The following COL23A1 variants were observed in gnomAD, a reference collection of about 807,000 sequenced individuals.
COL23A1 encodes the protein collagen alpha-1(XXIII) chain.
A neutral mutation model predicts 99.3 loss-of-function variants in COL23A1; 97 were observed. That is an observed-to-expected ratio of 0.98 (90% CI 0.83 to 1.16). The LOEUF (loss-of-function observed/expected upper bound fraction) is 1.16. COL23A1 is among the 50% of genes most tolerant of loss of function. The pLI is 0.00. For synonymous variants in COL23A1, 320 were observed against 308.2 expected, an observed-to-expected ratio of 1.04 and a Z score of -0.40; for missense variants, 762 against 757.4, an observed-to-expected ratio of 1.01 and a Z score of -0.07.
chr5:178,453,770 TCAGTAG>T (rs539618954), intron 2 of COL23A1, among the ~76,000 whole-genome samples: 4 of 152,154 alleles, frequency 2.6e-5, no homozygotes, highest in Non-Finnish European at 4.4e-5. Context: ...ACACACTTTT[TCAGTAG>T]CAGTAGCAGA....
intron 2 of COL23A1, among the ~76,000 whole-genome samples, chr5:178,327,746 G>T (rs1171692837): frequency 6.6e-6 from 1 of 152,156 alleles, no homozygotes; most frequent in African/African-American, 2.4e-5. Context: ...CCTCAGGACA[G>T]CACCAACCAC....
At chr5:178,338,635 A>AGCTCCTG (rs1760486475) in intron 2 of COL23A1, among the ~76,000 whole-genome samples, 4 of 123,604 alleles carry the variant, frequency 3.2e-5, no homozygotes, top group African/African-American at 1.2e-4. Context: ...GCACCGGGTA[A>AGCTCCTG]GGTGTTGCTC....
At chr5:178,285,420 CCAAAAAAT>C (rs1757100853) in intron 5 of COL23A1, among the ~76,000 whole-genome samples, 1 of 152,212 alleles carries the variant, frequency 6.6e-6, no homozygotes, top group Non-Finnish European at 1.5e-5. Context: ...AAACAAAAAA[CCAAAAAAT>C]GCTTTTTCTA....
At chr5:178,585,372 C>G (rs1355656947) in intron 1 of COL23A1, among the ~76,000 whole-genome samples, 4 of 150,698 alleles carry the variant, frequency 2.7e-5, no homozygotes, top group Non-Finnish European at 4.4e-5. Flanking sequence ...CCCCAGCTGA[C>G]TCTAGGGTAA....
At chr5:178,400,518 A>G (rs922446119) in intron 2 of COL23A1, among the ~76,000 whole-genome samples, 2 of 152,070 alleles carry the variant, frequency 1.3e-5, no homozygotes, top group East Asian at 3.8e-4. Context: ...CTGTTTCTAT[A>G]GTTTTCTAAA....
chr5:178,509,664 A>G (rs1759091160), intron 2 of COL23A1, among the ~76,000 whole-genome samples: 1 of 152,002 alleles, frequency 6.6e-6, no homozygotes, highest in Admixed American at 6.6e-5. Context: ...GCCAAAACAC[A>G]CTGACCTTCC....
At chr5:178,343,851 T>TG in intron 2 of COL23A1, among the ~76,000 whole-genome samples, 1 of 152,068 alleles carries the variant, frequency 6.6e-6, no homozygotes, top group East Asian at 1.9e-4. Flanking sequence ...TTAGTAGAGA[T>TG]GGAGTTTCAC....
At chr5:178,493,783 C>T (rs1452379853) in intron 2 of COL23A1, among the ~76,000 whole-genome samples, 1 of 152,242 alleles carries the variant, frequency 6.6e-6, no homozygotes, top group Non-Finnish European at 1.5e-5. Flanking sequence ...CTGCCGAACC[C>T]CTCGGGGACC....
chr5:178,273,690 C>T (rs756667108), intron 5 of COL23A1, among the ~76,000 whole-genome samples: 3 of 152,130 alleles, frequency 2.0e-5, no homozygotes, highest in African/African-American at 7.2e-5. Context: ...GGGACAGAGC[C>T]GACCCACAGC....
chr5:178,250,196 C>G, intron 17 of COL23A1, 91 bp from the exon 18 acceptor site: 3 of 1,495,176 alleles, frequency 2.0e-6, no homozygotes, highest in Non-Finnish European at 2.8e-6. Flanking sequence ...GTGCACCCGG[C>G]CCAGGGTGGG....
Position 178,245,982 on chromosome 5 carries a change from CAG to C in COL23A1, c.1414-16_1414-15del. ...CCCGGGTCTGCCCTGAGGAGAGACA[CAG>C]AGTGGGTGAGAGGGGTTGGGGAGGG... is the stretch of plus-strand genomic sequence containing the variant. On this transcript the variant is annotated splice_polypyrimidine_tract_variant and intron_variant, in intron 24 of 28. Transcript: ENST00000390654. 6.2e-7 allele frequency: 1 copy of C among 1,614,026 alleles called. No individual in the cohort carries two copies. Among genetic ancestry groups the C allele is most frequent in the South Asian group, 1.1e-5 (1 of 91,080 alleles).
chr5:178,480,706 T>G (rs1239589258), intron 2 of COL23A1, among the ~76,000 whole-genome samples: 2 of 152,098 alleles, frequency 1.3e-5, no homozygotes, highest in Non-Finnish European at 2.9e-5. Context: ...ACAAGGTAAG[T>G]CAAAATGTAA....
At chr5:178,573,213 T>C (rs900121730) in intron 1 of COL23A1, among the ~76,000 whole-genome samples, 2 of 152,172 alleles carry the variant, frequency 1.3e-5, no homozygotes, top group African/African-American at 4.8e-5. Flanking sequence ...TCAATTATAC[T>C]TCAAAAAAAA....
chr5:178,518,069 T>G lies in COL23A1; in HGVS notation c.361+42613A>C, dbSNP rs1444616159. On this transcript the variant is annotated intron_variant, in intron 2 of 28. Coordinates refer to ENST00000390654, the MANE Select transcript of COL23A1 (RefSeq NM_173465.4). ...CCTTCCGCAGTGTTTGTGTCCCTGA[T>G]TACTTGAGATTAGGGATTGGTGATG... Among the ~76,000 whole-genome samples, 84 of 128,394 alleles carry G rather than the reference T, an allele frequency of 6.5e-4. 1 individual carries two copies. The highest frequency in any genetic ancestry group is 3.9e-3 in the Middle Eastern group (1 of 256). The allele number at this position is 128,394 out of a possible 152,430, so 84.2% of individuals were successfully genotyped here.
intron 3 of COL23A1, among the ~76,000 whole-genome samples, chr5:178,305,131 G>A (rs1162803040): frequency 1.3e-5 from 2 of 152,148 alleles, no homozygotes; most frequent in Non-Finnish European, 2.9e-5. Context: ...AATAAAGTGT[G>A]TATTTGGCAG....
chr5:178,546,340 T>C (rs1761578319), intron 2 of COL23A1, among the ~76,000 whole-genome samples: 1 of 152,176 alleles, frequency 6.6e-6, no homozygotes, highest in South Asian at 2.1e-4. Flanking sequence ...TCCTCATGCA[T>C]TTCTTCCACT....
intron 3 of COL23A1, among the ~76,000 whole-genome samples, chr5:178,304,062 TCAG>T (rs1758211861): frequency 6.6e-6 from 1 of 152,232 alleles, no homozygotes; most frequent in Admixed American, 6.5e-5. Flanking sequence ...CCATCCCATT[TCAG>T]ATAGAGACAT....
chr5:178,340,952 G>A lies in COL23A1; in HGVS notation c.362-34033C>T, dbSNP rs138840257. Among the ~76,000 whole-genome samples, 102 of 152,334 alleles carry A rather than the reference G, an allele frequency of 6.7e-4. No homozygotes were observed. In the South Asian group the frequency reaches 0.011, roughly 16 times the overall value. ...TGCCAGGCAGAGATCAGCTGGTTTA[G>A]ACCTCATACTGACCATACCCACCAG... On this transcript the variant is annotated intron_variant, in intron 2 of 28. Transcript: ENST00000390654. The surrounding 1 kb of genome is among the most constrained non-coding windows in gnomAD (Gnocchi z 4.7).
At chr5:178,256,638 A>G (rs1765315517) in intron 14 of COL23A1, among the ~76,000 whole-genome samples, 1 of 152,234 alleles carries the variant, frequency 6.6e-6, no homozygotes, top group Admixed American at 6.5e-5. Flanking sequence ...CTGAGGCTGC[A>G]TGGTGAGTTG....
Sources: gnomAD v4.1 joint callset for allele counts (sites outside exome capture counted in the v4.1 genomes callset) on GRCh38, gnomAD v4.1.1 for gene constraint, Gnocchi (gnomAD v3.1) non-coding constraint, MANE v1.5 for transcripts, NCBI Gene and HGNC (gene_info 2026-07-23, HGNC 2026-07-21) for gene names.